Variants in ANO4 observed in about 807,000 individuals in gnomAD.
The protein encoded by ANO4 is anoctamin 4.
A neutral mutation model predicts 141.9 loss-of-function variants in ANO4; 69 were observed. The observed-to-expected ratio is 0.49, with a 90% confidence interval of 0.40 to 0.59. The LOEUF (loss-of-function observed/expected upper bound fraction) is 0.59, where lower values mean the gene tolerates loss of function less well. Ranked by LOEUF, ANO4 falls within the 20% of genes least tolerant of loss-of-function variation. ANO4 has a pLI of 0.00. For missense variants in ANO4, 894 were observed against 1,162.2 expected (o/e 0.77, Z 3.36); for synonymous variants, 350 against 394.3 (o/e 0.89, Z 1.33).
At position 100,798,490 on chromosome 12, in the gene ANO4, G is replaced by C. The variant is rs140848155; in HGVS notation, c.-141+3463G>C. 1.1e-3 allele frequency among the ~76,000 whole-genome samples: 167 copies of C among 152,274 alleles called. 4 individuals carry two copies. In the East Asian group the frequency reaches 0.026, roughly 24 times the overall value. On this transcript the variant is annotated intron_variant, in intron 1 of 27. Transcript: ENST00000392977. ...GCAGATTGTATAAAATAGGAGAAAT[G>C]CTTCATGAGCTGTGTTGAATACTGT...
intron 1 of ANO4, among the ~76,000 whole-genome samples, chr12:100,808,777 A>C (rs1190775539): frequency 6.6e-6 from 1 of 152,110 alleles, no homozygotes; most frequent in African/African-American, 2.4e-5. Flanking sequence ...TAATTGATTC[A>C]TTTTTTCTTT....
intron 8 of ANO4, among the ~76,000 whole-genome samples, chr12:101,016,478 C>A (rs1167083752): frequency 1.3e-5 from 2 of 152,040 alleles, no homozygotes; most frequent in East Asian, 3.9e-4. Flanking sequence ...CCAAACACCT[C>A]CCACCAGACC....
chr12:100,750,684 C>T (rs765143145), intron 3 of ANO4, among the ~76,000 whole-genome samples: 14 of 152,136 alleles, frequency 9.2e-5, no homozygotes, highest in South Asian at 2.1e-4. Context: ...ATTTTCTTTA[C>T]CACCAGTTAT....
chr12:101,121,586 T>G (rs1438520623), intron 26 of ANO4, among the ~76,000 whole-genome samples: 1 of 152,028 alleles, frequency 6.6e-6, no homozygotes, highest in East Asian at 1.9e-4. Context: ...TATTTTCTTT[T>G]GAGTATATAC....
At chr12:101,033,302 C>T (rs1419612670) in intron 9 of ANO4, among the ~76,000 whole-genome samples, 1 of 150,758 alleles carries the variant, frequency 6.6e-6, no homozygotes, top group South Asian at 2.1e-4. Context: ...GAACATCACA[C>T]TCTGGGGACT....
intron 3 of ANO4, among the ~76,000 whole-genome samples, chr12:100,777,094 T>TG (rs1219308242): frequency 4.0e-5 from 2 of 49,986 alleles, no homozygotes; most frequent in Non-Finnish European, 8.0e-5. Flanking sequence ...ATATCCTGAT[T>TG]TTTTTTTTTT....
intron 8 of ANO4, among the ~76,000 whole-genome samples, chr12:100,990,695 G>A (rs2045055318): frequency 6.6e-6 from 1 of 152,160 alleles, no homozygotes; most frequent in African/African-American, 2.4e-5. Flanking sequence ...TATGATGGGT[G>A]TGACTTAAGA....
In ANO4 at chr12:100,771,344, C is replaced by A. The variant is rs56749315; in HGVS notation, c.358+31239C>A. Among the ~76,000 whole-genome samples, 750 of 152,280 alleles carry A rather than the reference C, an allele frequency of 4.9e-3. 23 individuals carry two copies. The East Asian group carries it at 0.068, about 14-fold the overall frequency. ...CCAGACGGATCTGTCATGATCTTAA[C>A]TGAGCTGGAGATAGCTGAGCTGTCA... On this transcript the variant is annotated intron_variant, in intron 3 of 29. Transcript: ENST00000644049.
intron 1 of ANO4, among the ~76,000 whole-genome samples, chr12:100,819,533 A>T (rs2035920067): frequency 6.6e-6 from 1 of 151,970 alleles, no homozygotes; most frequent in Non-Finnish European, 1.5e-5. Context: ...TTATGACTTG[A>T]GACCAGTTCA....
intron 1 of ANO4, among the ~76,000 whole-genome samples, chr12:100,851,274 A>G (rs1321355997): frequency 6.6e-6 from 1 of 152,156 alleles, no homozygotes; most frequent in Non-Finnish European, 1.5e-5. Flanking sequence ...TTTACATTTT[A>G]AACATTATTA....
intron 14 of ANO4, among the ~76,000 whole-genome samples, chr12:101,073,028 A>G (rs933039121): frequency 2.6e-5 from 4 of 152,206 alleles, no homozygotes; most frequent in African/African-American, 9.7e-5. Flanking sequence ...CAGTGTGGCA[A>G]TTCCTCAAGG....
At chr12:100,930,950 G>A (rs552081524) in intron 3 of ANO4, among the ~76,000 whole-genome samples, 5 of 152,156 alleles carry the variant, frequency 3.3e-5, no homozygotes, top group African/African-American at 9.7e-5. Flanking sequence ...GGGCTGTAGG[G>A]TTCCAGAGAA....
chr12:100,937,294 G>T lies in ANO4; in HGVS notation c.161-2021G>T, dbSNP rs368090115. Reference sequence around the variant, plus strand: ...CCTATGGAACTTACATTGTAATAAGGTAAACATCCAATAAACAAGTCTAAT... The same window carrying T: ...CCTATGGAACTTACATTGTAATAAGTTAAACATCCAATAAACAAGTCTAAT... On this transcript the variant is annotated intron_variant, in intron 3 of 27. Transcript: ENST00000392977. 5.9e-5 allele frequency among the ~76,000 whole-genome samples: 9 copies of T among 152,246 alleles called. No homozygotes were observed. The East Asian group carries it at 1.3e-3, about 23-fold the overall frequency.
intron 3 of ANO4, among the ~76,000 whole-genome samples, chr12:100,786,852 T>A (rs897124147): frequency 6.6e-6 from 1 of 152,234 alleles, no homozygotes. Context: ...GAGGGATTTT[T>A]AAAATTCTTT....
intron 3 of ANO4, among the ~76,000 whole-genome samples, chr12:100,777,823 T>C (rs1479236293): frequency 6.6e-6 from 1 of 152,204 alleles, no homozygotes; most frequent in African/African-American, 2.4e-5. Flanking sequence ...ATATTCACTT[T>C]GTTCAGGAAT....
intron 8 of ANO4, 36 bp downstream of exon 8, chr12:100,987,706 G>GA: frequency 6.2e-7 from 1 of 1,609,746 alleles, no homozygotes; most frequent in Non-Finnish European, 8.5e-7. Flanking sequence ...TCTCACTAAG[G>GA]ATGTGCAGCT....
intron 2 of ANO4, among the ~76,000 whole-genome samples, 182 bp downstream of exon 2, chr12:100,902,022 G>A (rs1047478934): frequency 6.6e-6 from 1 of 152,204 alleles, no homozygotes; most frequent in Non-Finnish European, 1.5e-5. Context: ...ACGAATAAGA[G>A]GGGAGAGAGC....
intron 2 of ANO4, among the ~76,000 whole-genome samples, chr12:100,905,413 C>CCCAGAAGTGCCACA (rs957355849): frequency 9.9e-5 from 15 of 152,052 alleles, no homozygotes; most frequent in African/African-American, 2.9e-4. Flanking sequence ...ATGGAGAAAA[C>CCCAGAAGTGCCACA]CCAGAAGTGC....
chr12:100,729,872 G>T (rs2084438940), intron 1 of ANO4, among the ~76,000 whole-genome samples: 1 of 152,118 alleles, frequency 6.6e-6, no homozygotes. Flanking sequence ...TACCATTCAG[G>T]CTTGATTCAA....
Sources: gnomAD v4.1 joint callset for allele counts (sites outside exome capture counted in the v4.1 genomes callset) on GRCh38, gnomAD v4.1.1 for gene constraint, MANE v1.5 for transcripts, NCBI Gene and HGNC (gene_info 2026-07-23, HGNC 2026-07-21) for gene names.